BBS9: variants seen among roughly 807,000 people sequenced by gnomAD.
BBS9 encodes Bardet-Biedl syndrome 9, also known as protein PTHB1.
BBS9 carries 89 observed loss-of-function variants against 117.7 expected under a neutral mutation model. The ratio of observed to expected loss-of-function variants is 0.76; its 90% CI spans 0.64 to 0.90. The LOEUF (loss-of-function observed/expected upper bound fraction) is 0.90. Ranked by LOEUF, BBS9 falls within the 40% of genes least tolerant of loss-of-function variation. The pLI, the probability that BBS9 is intolerant of heterozygous loss-of-function variation, is 0.00. For missense variants in BBS9, 982 were observed against 1,042.2 expected, an observed-to-expected ratio of 0.94 and a Z score of 0.80; for synonymous variants, 379 against 370.9, an observed-to-expected ratio of 1.02 and a Z score of -0.25.
At chr7:33,622,878 T>A (rs1436646243) in intron 21 of BBS9, among the ~76,000 whole-genome samples, 1 of 152,180 alleles carries the variant, frequency 6.6e-6, no homozygotes, top group African/African-American at 2.4e-5. Flanking sequence ...TTGAGAAAAA[T>A]GAAATTAGAC....
At chr7:33,445,723 G>A (rs1335524773) in intron 19 of BBS9, among the ~76,000 whole-genome samples, 2 of 152,168 alleles carry the variant, frequency 1.3e-5, no homozygotes, top group Admixed American at 1.3e-4. Flanking sequence ...GGAGGGACCT[G>A]GTGGGAGGTG....
intron 2 of BBS9, among the ~76,000 whole-genome samples, chr7:33,149,317 G>T (rs1254919255): frequency 6.6e-6 from 1 of 152,154 alleles, no homozygotes; most frequent in Non-Finnish European, 1.5e-5. Flanking sequence ...AGAGAAATTT[G>T]CAGGTCAAGT....
In BBS9 at chr7:33,635,255, A is replaced by G. The variant is rs1182975633; in HGVS notation, c.2600A>G (p.Glu867Gly). Among the ~76,000 whole-genome samples, 1 of 152,156 alleles carries G rather than the reference A, an allele frequency of 6.6e-6. No individual in the cohort carries two copies. Among genetic ancestry groups the G allele is most frequent in the African/African-American group, 2.4e-5 (1 of 41,442 alleles). ...CTGAGCCAGCATCTCCAGCTGATGG[A>G]GGGACCCAAAAGCTAAGCGGGGTCA... is the stretch of plus-strand genomic sequence containing the variant. Residue 867 changes from glutamate to glycine, a missense_variant, in exon 22 of 22, where the codon GAG becomes GGG. Glu to Gly is a moderately conservative substitution (Grantham distance 98). Transcript: ENST00000671952.
At chr7:33,425,299 T>G (rs898146737) in intron 19 of BBS9, among the ~76,000 whole-genome samples, 1 of 152,214 alleles carries the variant, frequency 6.6e-6, no homozygotes, top group Non-Finnish European at 1.5e-5. Flanking sequence ...TATCATTACT[T>G]ATTTTAAAGT....
chr7:33,336,713 T>A, intron 10 of BBS9, 91 bp downstream of exon 10: 1 of 944,516 alleles, frequency 1.1e-6, no homozygotes, highest in Non-Finnish European at 1.6e-6. Flanking sequence ...ATTTGTTAAT[T>A]TTCTCCTCTA....
chr7:33,394,013 T>G (rs1827520435), intron 19 of BBS9, among the ~76,000 whole-genome samples: 1 of 152,156 alleles, frequency 6.6e-6, no homozygotes, highest in Non-Finnish European at 1.5e-5. Flanking sequence ...ACATAGTGTC[T>G]ACTACTGCAT....
chr7:33,528,961 C>G lies in BBS9; in HGVS notation c.2299-4993C>G, dbSNP rs186146945. On this transcript the variant is annotated intron_variant, in intron 20 of 22. Coordinates refer to ENST00000242067, the MANE Select transcript of BBS9 (RefSeq NM_198428.3). ...GTTTCTAATAAGCCACTTGCTTGAT[C>G]TGGTATTTAGGCCTATTGACCAGTG... 3.3e-5 allele frequency among the ~76,000 whole-genome samples: 5 copies of G among 152,352 alleles called. No homozygotes were observed. In the East Asian group the frequency reaches 9.6e-4, roughly 29 times the overall value.
intron 1 of BBS9, among the ~76,000 whole-genome samples, chr7:33,130,392 A>G (rs1194096311): frequency 2.0e-5 from 3 of 152,216 alleles, no homozygotes; most frequent in Non-Finnish European, 2.9e-5. Context: ...CAATCCTTCT[A>G]GTAATAGGAT....
At chr7:33,591,143 AATG>A in intron 21 of BBS9, among the ~76,000 whole-genome samples, 1 of 152,162 alleles carries the variant, frequency 6.6e-6, no homozygotes, top group East Asian at 1.9e-4. Context: ...AACATTCTTA[AATG>A]ATGACTTTTT....
At chr7:33,389,478 A>T (rs574147004) in intron 19 of BBS9, among the ~76,000 whole-genome samples, 1 of 152,102 alleles carries the variant, frequency 6.6e-6, no homozygotes, top group Non-Finnish European at 1.5e-5. Flanking sequence ...TCACGAGGTC[A>T]GGAGATCAAG....
chr7:33,329,088 TC>T (rs1813444389), intron 9 of BBS9, among the ~76,000 whole-genome samples: 2 of 152,026 alleles, frequency 1.3e-5, no homozygotes, highest in Admixed American at 1.3e-4. Flanking sequence ...TGGCGCGATC[TC>T]AGCTCACTGC....
chr7:33,185,323 G>C (rs188270522), intron 5 of BBS9, among the ~76,000 whole-genome samples: 1 of 152,136 alleles, frequency 6.6e-6, no homozygotes, highest in Non-Finnish European at 1.5e-5. Flanking sequence ...TCACGGTGGA[G>C]TCGCTTTGGT....
intron 7 of BBS9, among the ~76,000 whole-genome samples, chr7:33,266,472 A>G (rs1262609160): frequency 6.6e-6 from 1 of 152,152 alleles, no homozygotes; most frequent in Non-Finnish European, 1.5e-5. Context: ...TCTTAGATTC[A>G]TTGAGATTTG....
chr7:33,502,622 G>C (rs973794811), intron 19 of BBS9, among the ~76,000 whole-genome samples: 1 of 152,170 alleles, frequency 6.6e-6, no homozygotes, highest in African/African-American at 2.4e-5. Context: ...TGAACAATAG[G>C]TTCTTTCTCC....
intron 5 of BBS9, among the ~76,000 whole-genome samples, chr7:33,224,601 C>T (rs1399686108): frequency 6.6e-6 from 1 of 152,082 alleles, no homozygotes; most frequent in African/African-American, 2.4e-5. Context: ...TGTCTTCTCC[C>T]TCACCTCCCC....
intron 7 of BBS9, 148 bp from the exon 8 acceptor site, chr7:33,272,864 T>TA (rs199744710): frequency 5.8e-5 from 48 of 823,120 alleles, no homozygotes; most frequent in Non-Finnish European, 7.6e-5. Flanking sequence ...GTCATAGTGA[T>TA]AAAAAAAAGA....
intron 9 of BBS9, among the ~76,000 whole-genome samples, chr7:33,329,468 AGTATTATGTTTTACTTTTACATT>A (rs1447369005): frequency 2.6e-5 from 4 of 152,202 alleles, no homozygotes; most frequent in African/African-American, 9.6e-5. Flanking sequence ...ATGTACATGC[AGTATTATGTTTTACTTTTACATT>A]TATTATTTTT....
chr7:33,488,952 TTGTC>T (rs1273202351), intron 19 of BBS9, among the ~76,000 whole-genome samples: 10 of 152,136 alleles, frequency 6.6e-5, no homozygotes, highest in South Asian at 4.2e-4. Context: ...AGTGGCGTGT[TTGTC>T]TGAGACACCA....
chr7:33,196,264 A>G (rs978835109), intron 5 of BBS9, among the ~76,000 whole-genome samples: 3 of 152,134 alleles, frequency 2.0e-5, no homozygotes, highest in African/African-American at 7.2e-5. Context: ...AATCCTAGAT[A>G]ATCAGATCCT....
Sources: allele counts gnomAD v4.1 joint callset (sites outside exome capture counted in the v4.1 genomes callset), GRCh38; gene constraint gnomAD v4.1.1; transcripts MANE v1.5; gene names NCBI Gene and HGNC (gene_info 2026-07-23, HGNC 2026-07-21).